Variants in DNAJC11 observed in about 807,000 individuals in gnomAD.
DNAJC11 encodes the protein dnaJ homolog subfamily C member 11.
A neutral mutation model predicts 78.6 loss-of-function variants in DNAJC11; 15 were observed. The observed-to-expected ratio is 0.19, with a 90% confidence interval of 0.13 to 0.29. The LOEUF (loss-of-function observed/expected upper bound fraction) is 0.29, where lower values mean the gene tolerates loss of function less well. Among genes scored for constraint, DNAJC11 ranks in the 10% least tolerant of loss-of-function variants. The probability of loss-of-function intolerance (pLI) is 1.00; values close to 1 mark genes in which losing one functional copy is unlikely to be tolerated. For synonymous variants in DNAJC11, 292 were observed against 272.1 expected (o/e 1.07, Z -0.72); for missense variants, 547 against 709.6 (o/e 0.77, Z 2.60).
Position 6,680,780 on chromosome 1 carries a change from G to A in DNAJC11, c.202+128C>T. 8.6e-7 allele frequency: 1 copy of A among 1,161,146 alleles called. No individual in the cohort carries two copies. Among genetic ancestry groups the A allele is most frequent in the South Asian group, 1.7e-5 (1 of 58,202 alleles). 71.9% of individuals were successfully genotyped at this position (1,161,146 alleles called of 1,614,324 possible). A position where few individuals can be genotyped will look rare whatever the true frequency, so the allele number is the denominator to read the frequency against. On this transcript the variant is annotated intron_variant, in intron 2 of 15. Transcript: ENST00000377577. The surrounding 1 kb of genome is among the most constrained non-coding windows in gnomAD (Gnocchi z 4.0). ...TTTCAAAGGACCCTGTCAGTGAAAA[G>A]TACTAAACTAACCACCTGTTTTATA...
At chr1:6,643,411 G>C (rs1641911692) in intron 10 of DNAJC11, among the ~76,000 whole-genome samples, 1 of 151,706 alleles carries the variant, frequency 6.6e-6, no homozygotes, top group Admixed American at 6.6e-5. Flanking sequence ...AAGTAGCAGA[G>C]ACTACAGGCG....
In DNAJC11 at chr1:6,653,822, T is replaced by C; in HGVS notation, c.507+89A>G. 6.6e-7 allele frequency: 1 copy of C among 1,509,306 alleles called. No individual in the cohort carries two copies. Among genetic ancestry groups the C allele is most frequent in the Non-Finnish European group, 9.0e-7 (1 of 1,105,296 alleles). The allele number at this position is 1,509,306 out of a possible 1,614,324, so 93.5% of individuals were successfully genotyped here. A position where few individuals can be genotyped will look rare whatever the true frequency, so the allele number is the denominator to read the frequency against. ...TCATAAATAAAGATGAGAAAAACCC[T>C]GGGCAGACTCTCATTCCAGCTGCTT... On this transcript the variant is annotated intron_variant, in intron 5 of 15. Transcript: ENST00000377577. This position sits in a 1 kb window ranked among gnomAD's most constrained non-coding sequence, Gnocchi z 4.5.
At chr1:6,640,209 C>T in intron 10 of DNAJC11, 152 bp from the exon 11 acceptor site, 1 of 963,274 alleles carries the variant, frequency 1.0e-6, no homozygotes, top group South Asian at 1.8e-5. Flanking sequence ...CACAGTCCAC[C>T]ACCTTCTGGC....
rs1443586118 is a variant in DNAJC11 at position 6,640,803 on chromosome 1, G to C, written c.1098-746C>G. 2.0e-5 allele frequency among the ~76,000 whole-genome samples: 3 copies of C among 152,044 alleles called. No homozygotes were observed. In the East Asian group the frequency reaches 5.8e-4, roughly 29 times the overall value. On this transcript the variant is annotated intron_variant, in intron 10 of 15. Coordinates refer to ENST00000377577, the MANE Select transcript of DNAJC11 (RefSeq NM_018198.4). Reference sequence around the variant, plus strand: ...CAGCACTCCAGCCTGGTCAACAAGAGGAAAAGGACTGAGGATGCATGGACA... The same window carrying C: ...CAGCACTCCAGCCTGGTCAACAAGACGAAAAGGACTGAGGATGCATGGACA...
intron 10 of DNAJC11, among the ~76,000 whole-genome samples, chr1:6,641,408 C>CACAA (rs1641875865): frequency 7.7e-6 from 1 of 129,218 alleles, no homozygotes; most frequent in South Asian, 2.6e-4. Flanking sequence ...TATATATATA[C>CACAA]ACACACACAC....
Position 6,680,749 on chromosome 1 carries a change from C to T in DNAJC11, c.202+159G>A, listed in dbSNP as rs1170454932. ...ACGTATTGATTTCCAAAGCAAAATA[C>T]TATTCTTTCAAAGGACCCTGTCAGT... On this transcript the variant is annotated intron_variant, in intron 2 of 15. Transcript: ENST00000377577. The surrounding 1 kb of genome is among the most constrained non-coding windows in gnomAD (Gnocchi z 4.0). Among the ~76,000 whole-genome samples the T allele has an allele frequency of 6.6e-6, 1 of 152,206 alleles. No homozygotes were observed. Among genetic ancestry groups the T allele is most frequent in the East Asian group, 1.9e-4 (1 of 5,204 alleles).
rs904408841 is a variant in DNAJC11, at chr1:6,653,379, C to T, written c.508-428G>A. ...CAAATTTCCCCAAGTTAGGACTCCACGTTGTTGGCTGATGCAATGGAGAAT... is the reference window on the plus strand; with the variant it reads ...CAAATTTCCCCAAGTTAGGACTCCATGTTGTTGGCTGATGCAATGGAGAAT... On this transcript the variant is annotated intron_variant, in intron 5 of 15. Transcript: ENST00000377577. The surrounding 1 kb of genome is among the most constrained non-coding windows in gnomAD (Gnocchi z 4.5). Among the ~76,000 whole-genome samples, 14 of 152,138 alleles carry T rather than the reference C, an allele frequency of 9.2e-5. No homozygotes were observed. The highest frequency in any genetic ancestry group is 3.4e-4 in the African/African-American group (14 of 41,418).
chr1:6,679,766 G>T lies in DNAJC11; in HGVS notation c.202+1142C>A, dbSNP rs192810331. 7.9e-5 allele frequency among the ~76,000 whole-genome samples: 12 copies of T among 152,160 alleles called. No individual in the cohort carries two copies. In the East Asian group the frequency reaches 1.3e-3, roughly 17 times the overall value. The stretch of plus-strand genomic sequence containing the variant: ...GTGGCACTTTCACTAGCACTGGTAG[G>T]GTTTTTCTTTAACTCTTCCCCAGGT... On this transcript the variant is annotated intron_variant, in intron 2 of 15. Transcript: ENST00000377577.
At chr1:6,695,924 T>C (rs1642829038) in intron 1 of DNAJC11, among the ~76,000 whole-genome samples, 1 of 152,162 alleles carries the variant, frequency 6.6e-6, no homozygotes, top group African/African-American at 2.4e-5. Context: ...AAGCCCTACA[T>C]AGTGGCCTCC....
rs772020246 is a variant in DNAJC11, at chr1:6,681,042, A to G, written c.73-5T>C. On this transcript the variant is annotated splice_region_variant and splice_polypyrimidine_tract_variant and intron_variant, in intron 1 of 15. Coordinates refer to ENST00000377577, the MANE Select transcript of DNAJC11 (RefSeq NM_018198.4). ...TTTCAGCTCTTCAGAAGAGGCCTAA[A>G]GAAAGAAAAATTCAATTAGAGAACA... The G allele has an allele frequency of 6.3e-7, 1 of 1,592,668 alleles. No homozygotes were observed.
chr1:6,644,678 C>A lies in DNAJC11; in HGVS notation c.981-4G>T. On this transcript the variant is annotated splice_region_variant and splice_polypyrimidine_tract_variant and intron_variant, in intron 9 of 15. Coordinates refer to ENST00000377577, the MANE Select transcript of DNAJC11 (RefSeq NM_018198.4). ...CACCGTCCCAAAGAAGCCTGCTCTGCAGGGAGAGAACGCGGTCTGTGCCTG... is the reference window on the plus strand; with the variant it reads ...CACCGTCCCAAAGAAGCCTGCTCTGAAGGGAGAGAACGCGGTCTGTGCCTG... 1 of 1,613,236 alleles carries A rather than the reference C, an allele frequency of 6.2e-7. No homozygotes were observed. The highest frequency in any genetic ancestry group is 8.5e-7 in the Non-Finnish European group (1 of 1,179,176).
chr1:6,637,364 G>C (rs770169117), intron 13 of DNAJC11, 24 bp from the exon 14 acceptor site: 3 of 1,614,206 alleles, frequency 1.9e-6, no homozygotes, highest in Non-Finnish European at 2.5e-6. Flanking sequence ...CCGAGTAGAG[G>C]AAGGCCTCCT....
chr1:6,645,814 G>C lies in DNAJC11; in HGVS notation c.869C>G (p.Thr290Ser), dbSNP rs200454. 0.22 allele frequency: 349,118 copies of C among 1,613,868 alleles called. 41,737 individuals are homozygous for C. Among genetic ancestry groups the C allele is most frequent in the Admixed American group, 0.45 (26,915 of 59,992 alleles). The change falls in exon 8 of 16, where the codon ACC (threonine) becomes AGC (serine). Residue 290 changes from threonine (T) to serine (S), a missense_variant. By Grantham distance (58) the Thr-to-Ser change is moderately conservative (BLOSUM62 1). Transcript: ENST00000377577. The surrounding 1 kb of genome is among the most constrained non-coding windows in gnomAD (Gnocchi z 4.1). ...MNTSIVRDTK[T>S]SHFTVALQLG... ...CTGCAGGGCCACAGTGAAGTGGCTG[G>C]TTTTAGTGTCTCGGACGATGCTAGT... is the stretch of plus-strand genomic sequence containing the variant.
chr1:6,637,237 C>A lies in DNAJC11; in HGVS notation c.1485G>T (p.Leu495=). The A allele has an allele frequency of 1.2e-6, 2 of 1,614,170 alleles. No homozygotes were observed. Among genetic ancestry groups the A allele is most frequent in the Non-Finnish European group, 8.5e-7 (1 of 1,180,036 alleles). Residue 495 remains leucine (L), a synonymous_variant, in exon 14 of 16, where the codon CTG becomes CTT. Transcript: ENST00000377577. ...TGAGGATGAGCTTCGAGTCCTTCAC[C>A]AGGCACTGCAGGGGCACAGTCACGT... The part of the protein sequence containing the change: ...VIDVTVPLQC[L]VKDSKLILTE...
chr1:6,670,953 G>A (rs1032921957), intron 3 of DNAJC11: 1 of 152,216 alleles, frequency 6.6e-6, no homozygotes, highest in Non-Finnish European at 1.5e-5. Context: ...TCAGGGAAAT[G>A]TAGGTAATCA....
intron 4 of DNAJC11, 48 bp downstream of exon 4, chr1:6,667,661 T>G (rs758204121): frequency 6.7e-7 from 1 of 1,497,244 alleles, no homozygotes; most frequent in Non-Finnish European, 9.3e-7. Context: ...CTTCTAGTTA[T>G]GAGGCCTTTT....
intron 1 of DNAJC11, among the ~76,000 whole-genome samples, chr1:6,683,585 C>T (rs939341667): frequency 6.6e-6 from 1 of 152,186 alleles, no homozygotes; most frequent in African/African-American, 2.4e-5. Context: ...AGCATGAGTG[C>T]CTAACAATGT....
intron 6 of DNAJC11, among the ~76,000 whole-genome samples, chr1:6,651,946 C>T (rs2294529): frequency 0.14 from 21,453 of 150,428 alleles, 1,951 homozygotes; most frequent in Non-Finnish European, 0.2. Flanking sequence ...CCGCCACCTG[C>T]AGAGCACCGA....
At chr1:6,669,913 T>C (rs1642351834) in intron 3 of DNAJC11, among the ~76,000 whole-genome samples, 1 of 152,126 alleles carries the variant, frequency 6.6e-6, no homozygotes. Flanking sequence ...AAAGGTGTGA[T>C]GTGAGAAAAA....
Sources: allele counts gnomAD v4.1 joint callset (sites outside exome capture counted in the v4.1 genomes callset), GRCh38; gene constraint gnomAD v4.1.1; non-coding constraint Gnocchi (gnomAD v3.1); transcripts MANE v1.5; gene names NCBI Gene and HGNC (gene_info 2026-07-23, HGNC 2026-07-21).